CMKLR2: variants seen among roughly 807,000 people sequenced by gnomAD.
CMKLR2 encodes chemerin-like receptor 2.
A neutral mutation model predicts 23.0 loss-of-function variants in CMKLR2; 18 were observed. That is an observed-to-expected ratio of 0.78 (90% CI 0.54 to 1.16). CMKLR2 has a LOEUF of 1.16. CMKLR2 is among the 50% of genes most tolerant of loss of function. The pLI is 0.00. For synonymous variants in CMKLR2, 158 were observed against 158.9 expected (o/e 0.99, Z 0.05); for missense variants, 401 against 412.7 (o/e 0.97, Z 0.25).
At chr2:206,181,439 C>T (rs1167305005) in intron 1 of CMKLR2, among the ~76,000 whole-genome samples, 1 of 152,014 alleles carries the variant, frequency 6.6e-6, no homozygotes, top group Non-Finnish European at 1.5e-5. Context: ...GGATTCCTCC[C>T]AACTCAGCCT....
chr2:206,184,651 A>G (rs1306758078), intron 1 of CMKLR2, among the ~76,000 whole-genome samples: 5 of 151,944 alleles, frequency 3.3e-5, no homozygotes, highest in Non-Finnish European at 5.9e-5. Context: ...GGACTTCAAC[A>G]TATCTTTTTT....
chr2:206,200,187 G>T (rs1445326450), intron 1 of CMKLR2, among the ~76,000 whole-genome samples: 2 of 152,050 alleles, frequency 1.3e-5, no homozygotes, highest in Non-Finnish European at 2.9e-5. Context: ...ACTTTGGGAG[G>T]CTGAGGCGGG....
chr2:206,205,018 A>G (rs1236553718), intron 1 of CMKLR2, among the ~76,000 whole-genome samples: 1 of 152,240 alleles, frequency 6.6e-6, no homozygotes, highest in African/African-American at 2.4e-5. Context: ...CTGTAATCCA[A>G]CTGGCTAAAG....
At position 206,176,531 on chromosome 2, in the gene CMKLR2, C is replaced by T. The variant is rs757240009; in HGVS notation, c.717G>A (p.Leu239=). 1 of 1,614,012 alleles carries T rather than the reference C, an allele frequency of 6.2e-7. No individual in the cohort carries two copies. The highest frequency in any genetic ancestry group is 8.5e-7 in the Non-Finnish European group (1 of 1,180,040). The stretch of plus-strand genomic sequence containing the variant: ...TTGTCCAGAAATGCCTACTGGAGAT[C>T]AGGATGCTTCGCTTCTTCACCTTGA... ...LIFKVKKRSI[L]ISSRHFWTIL... The change falls in exon 2 of 2, where the codon CTG becomes CTA. Residue 239 remains leucine, a synonymous_variant. Transcript: ENST00000621141.
At chr2:206,194,784 C>T (rs1316784498) in intron 1 of CMKLR2, among the ~76,000 whole-genome samples, 8 of 114,806 alleles carry the variant, frequency 7.0e-5, no homozygotes, top group East Asian at 2.8e-4. Context: ...GACGGAGTCT[C>T]GCTCTATCGC....
Position 206,176,355 on chromosome 2 carries a change from C to A in CMKLR2, c.893G>T (p.Cys298Phe). The A allele has an allele frequency of 6.2e-7, 1 of 1,614,094 alleles. No homozygotes were observed. The highest frequency in any genetic ancestry group is 8.5e-7 in the Non-Finnish European group (1 of 1,180,022). The change falls in exon 2 of 2, where the codon TGC becomes TTC. Residue 298 changes from cysteine to phenylalanine, a missense_variant. Transcript: ENST00000621141. Reference protein sequence around the residue: ...LSTGLAFLNSCLNPILYVLIS... With the variant: ...LSTGLAFLNSFLNPILYVLIS... ...TAGGACATAAAGGATGGGGTTCAAGCAACTATTGAGGAATGCCAAACCAGT... is the reference window on the plus strand; with the variant it reads ...TAGGACATAAAGGATGGGGTTCAAGAAACTATTGAGGAATGCCAAACCAGT...
intron 1 of CMKLR2, among the ~76,000 whole-genome samples, chr2:206,189,536 G>A (rs1688685962): frequency 6.6e-6 from 1 of 152,094 alleles, no homozygotes. Context: ...TCAGGAGGCT[G>A]AGGGAGGAGA....
chr2:206,217,373 C>T (rs889849936), upstream of CMKLR2: 1 of 152,314 alleles, frequency 6.6e-6, no homozygotes, highest in South Asian at 2.1e-4. Context: ...ATGGCAGGCT[C>T]AGTAGCCCTG....
intron 1 of CMKLR2, among the ~76,000 whole-genome samples, chr2:206,211,757 C>A (rs1416667490): frequency 7.0e-6 from 1 of 143,610 alleles, no homozygotes; most frequent in Non-Finnish European, 1.5e-5. Context: ...CAAAAAAACA[C>A]ACACATTAAA....
At position 206,175,557 on chromosome 2, in the gene CMKLR2, G is replaced by A. The variant is rs1688178383; in HGVS notation, c.*623C>T. On this transcript the variant is annotated 3_prime_UTR_variant, in exon 2 of 2. Transcript: ENST00000621141. The stretch of plus-strand genomic sequence containing the variant: ...TTGTTGCCCAGGCTGGAGTGCAATG[G>A]TGTGATGTTGGCTCACCACAACCTC... 6.6e-6 allele frequency: 1 copy of A among 152,066 alleles called. No homozygotes were observed. The highest frequency in any genetic ancestry group is 2.4e-5 in the African/African-American group (1 of 41,392). The allele number at this position is 152,066 out of a possible 1,614,324, so 9.4% of individuals were successfully genotyped here.
intron 1 of CMKLR2, among the ~76,000 whole-genome samples, chr2:206,179,360 C>G (rs76373648): frequency 0.018 from 2,700 of 147,446 alleles, 49 homozygotes; most frequent in South Asian, 0.046. Context: ...CAGGCATGAG[C>G]CACCGCACCC....
chr2:206,202,903 G>T (rs1489031122), intron 1 of CMKLR2, among the ~76,000 whole-genome samples: 3 of 151,798 alleles, frequency 2.0e-5, no homozygotes, highest in Non-Finnish European at 4.4e-5. Context: ...TTCCTATTGC[G>T]GACACCTCCC....
intron 1 of CMKLR2, among the ~76,000 whole-genome samples, chr2:206,181,746 A>G (rs1410701294): frequency 6.6e-6 from 1 of 152,126 alleles, no homozygotes; most frequent in Non-Finnish European, 1.5e-5. Flanking sequence ...TAAGGTCAGG[A>G]ATTCGAGACC....
intron 1 of CMKLR2, among the ~76,000 whole-genome samples, chr2:206,205,448 G>A (rs569577852): frequency 1.3e-5 from 2 of 152,004 alleles, no homozygotes; most frequent in African/African-American, 2.4e-5. Context: ...CTGCAGCCTC[G>A]AACTCCTGGG....
chr2:206,192,789 T>G (rs1576050873), intron 1 of CMKLR2, among the ~76,000 whole-genome samples: 1 of 152,194 alleles, frequency 6.6e-6, no homozygotes, highest in South Asian at 2.1e-4. Flanking sequence ...AGTACAGTTA[T>G]CCTTCAGTAT....
intron 1 of CMKLR2, among the ~76,000 whole-genome samples, chr2:206,189,324 C>G (rs546080563): frequency 6.6e-6 from 1 of 152,266 alleles, no homozygotes; most frequent in South Asian, 2.1e-4. Context: ...TATTTTGCTT[C>G]TGACCGGATA....
At chr2:206,180,552 C>T (rs1250313812) in intron 1 of CMKLR2, among the ~76,000 whole-genome samples, 1 of 152,000 alleles carries the variant, frequency 6.6e-6, no homozygotes, top group Non-Finnish European at 1.5e-5. Flanking sequence ...CTCCCACCTC[C>T]ACCTCCCAAG....
chr2:206,207,191 C>G (rs995877021), intron 1 of CMKLR2, among the ~76,000 whole-genome samples: 2 of 138,490 alleles, frequency 1.4e-5, no homozygotes, highest in African/African-American at 5.4e-5. Flanking sequence ...TGCTCTGTTG[C>G]CCAGGCTGGA....
chr2:206,179,933 G>A lies in CMKLR2; in HGVS notation c.-28-2658C>T, dbSNP rs1688358611. 2.0e-5 allele frequency among the ~76,000 whole-genome samples: 3 copies of A among 152,088 alleles called. No homozygotes were observed. In the South Asian group the frequency reaches 6.2e-4, roughly 32 times the overall value. On this transcript the variant is annotated intron_variant, in intron 1 of 1. Coordinates refer to ENST00000621141, the MANE Select transcript of CMKLR2 (RefSeq NM_001389445.1). Reference sequence around the variant, plus strand: ...GCATCTCAAATTCAATTTGACTATCGCTGAATTCATCATCCTACCTAAAAC... The same window carrying A: ...GCATCTCAAATTCAATTTGACTATCACTGAATTCATCATCCTACCTAAAAC...
Sources: allele counts gnomAD v4.1 joint callset (sites outside exome capture counted in the v4.1 genomes callset), GRCh38; gene constraint gnomAD v4.1.1; transcripts MANE v1.5; gene names NCBI Gene and HGNC (gene_info 2026-07-23, HGNC 2026-07-21).